Variants in MAGI1 observed in about 807,000 individuals in gnomAD.
MAGI1 encodes the protein membrane associated guanylate kinase, WW and PDZ domain containing 1.
In MAGI1, 58 loss-of-function variants were observed where a neutral mutation model predicts 139.9. The observed-to-expected ratio is 0.41, with a 90% CI of 0.34 to 0.52. The LOEUF is 0.52. Among genes scored for constraint, MAGI1 ranks in the 20% least tolerant of loss-of-function variants. MAGI1 has a pLI of 0.12. For missense variants in MAGI1, 1,874 were observed against 1,901.6 expected, an observed-to-expected ratio of 0.99 and a Z score of 0.27; for synonymous variants, 812 against 737.9, an observed-to-expected ratio of 1.10 and a Z score of -1.63.
intron 1 of MAGI1, among the ~76,000 whole-genome samples, chr3:65,793,338 T>C (rs893796853): frequency 3.9e-5 from 6 of 152,298 alleles, no homozygotes; most frequent in African/African-American, 7.2e-5. Context: ...TGGTCAACTG[T>C]AAACAATGAT....
Position 65,812,948 on chromosome 3 carries a change from T to C in MAGI1, c.314-190860A>G, listed in dbSNP as rs141527631. Among the ~76,000 whole-genome samples the C allele has an allele frequency of 8.5e-3, 1,289 of 151,316 alleles. 18 individuals carry two copies. Among genetic ancestry groups the C allele is most frequent in the African/African-American group, 0.03 (1,224 of 41,200 alleles). Reference sequence around the variant, plus strand: ...CTGGTCTCAAACTCCTGACCTCAGGTGATCCGACCGCCTCAGCCTCGCAAA... The same window carrying C: ...CTGGTCTCAAACTCCTGACCTCAGGCGATCCGACCGCCTCAGCCTCGCAAA... On this transcript the variant is annotated intron_variant, in intron 1 of 22. Coordinates refer to ENST00000402939, the MANE Select transcript of MAGI1 (RefSeq NM_001033057.2).
At chr3:65,991,076 G>A (rs906757114) in intron 1 of MAGI1, among the ~76,000 whole-genome samples, 9 of 152,160 alleles carry the variant, frequency 5.9e-5, no homozygotes, top group Non-Finnish European at 1.0e-4. Context: ...ATCACTTGAG[G>A]TCAGGAGTTG....
chr3:65,780,117 G>T (rs1052186253), intron 1 of MAGI1, among the ~76,000 whole-genome samples: 1 of 152,046 alleles, frequency 6.6e-6, no homozygotes, highest in African/African-American at 2.4e-5. Flanking sequence ...GGACATTGTG[G>T]GCTCAGGTGA....
At chr3:65,470,139 C>A in intron 5 of MAGI1, 144 bp downstream of exon 5, 1 of 594,162 alleles carries the variant, frequency 1.7e-6, no homozygotes, top group Non-Finnish European at 2.9e-6. Context: ...CCTTTTTATG[C>A]AAAACTTATT....
chr3:65,680,795 T>TATGATATG (rs58365928), intron 1 of MAGI1, among the ~76,000 whole-genome samples: 3,805 of 151,240 alleles, frequency 0.025, 170 homozygotes, highest in African/African-American at 0.088. Context: ...TATGATATGA[T>TATGATATG]ATACTTTAAT....
intron 1 of MAGI1, among the ~76,000 whole-genome samples, chr3:66,006,907 T>G (rs1408852492): frequency 1.3e-5 from 2 of 152,172 alleles, no homozygotes. Context: ...CATAGCTCAC[T>G]GCAACCTCAA....
chr3:65,576,660 C>A (rs866540085), intron 2 of MAGI1, among the ~76,000 whole-genome samples: 1 of 152,122 alleles, frequency 6.6e-6, no homozygotes, highest in African/African-American at 2.4e-5. Flanking sequence ...ATTTAAGTAA[C>A]GGTTTCCTTT....
chr3:65,375,127 T>C (rs1363084705), intron 18 of MAGI1, among the ~76,000 whole-genome samples: 1 of 152,146 alleles, frequency 6.6e-6, no homozygotes, highest in Non-Finnish European at 1.5e-5. Flanking sequence ...TTTTATAGTG[T>C]TGAAGACAAG....
chr3:65,871,039 A>G (rs1192713839), intron 1 of MAGI1, among the ~76,000 whole-genome samples: 1 of 152,088 alleles, frequency 6.6e-6, no homozygotes, highest in Non-Finnish European at 1.5e-5. Flanking sequence ...CCCGGATTCA[A>G]TTGATCCTTC....
intron 22 of MAGI1, chr3:65,359,670 AT>A (rs773417146): frequency 6.2e-4 from 614 of 988,176 alleles, no homozygotes; most frequent in Middle Eastern, 1.0e-3. Context: ...AATTAGAGAG[AT>A]TTAGTCCAAG....
chr3:65,812,189 A>G (rs1210889637), intron 1 of MAGI1, among the ~76,000 whole-genome samples: 1 of 152,114 alleles, frequency 6.6e-6, no homozygotes, highest in African/African-American at 2.4e-5. Flanking sequence ...AAGTGTAGGA[A>G]GAAAAGAATA....
chr3:65,912,167 A>C (rs2108678715), intron 1 of MAGI1, among the ~76,000 whole-genome samples: 1 of 152,030 alleles, frequency 6.6e-6, no homozygotes, highest in East Asian at 1.9e-4. Flanking sequence ...CCAATCTTGA[A>C]AGCTATTTAA....
intron 1 of MAGI1, among the ~76,000 whole-genome samples, chr3:65,968,625 C>T (rs1400709302): frequency 1.3e-5 from 2 of 150,288 alleles, no homozygotes; most frequent in Admixed American, 6.6e-5. Context: ...TTTTTAAAGG[C>T]GAGCAAGAGA....
At chr3:65,460,401 C>T (rs1949693784) in intron 5 of MAGI1, among the ~76,000 whole-genome samples, 1 of 151,872 alleles carries the variant, frequency 6.6e-6, no homozygotes, top group Non-Finnish European at 1.5e-5. Flanking sequence ...TTCTGGAAGA[C>T]ATTATGTAGA....
At chr3:66,000,191 C>T (rs372868818) in intron 1 of MAGI1, among the ~76,000 whole-genome samples, 2 of 151,830 alleles carry the variant, frequency 1.3e-5, no homozygotes, top group Non-Finnish European at 1.5e-5. Flanking sequence ...TTAGCCAGAA[C>T]GGTCTCGATC....
intron 1 of MAGI1, among the ~76,000 whole-genome samples, chr3:65,696,377 C>A (rs1031699384): frequency 6.6e-6 from 1 of 152,080 alleles, no homozygotes; most frequent in African/African-American, 2.4e-5. Flanking sequence ...GCCTCCCCAT[C>A]CAATACCTTT....
intron 1 of MAGI1, among the ~76,000 whole-genome samples, chr3:65,737,800 T>C (rs919463049): frequency 2.0e-5 from 3 of 152,164 alleles, no homozygotes; most frequent in Non-Finnish European, 4.4e-5. Flanking sequence ...TACCCACATA[T>C]GGCAAATGGG....
rs997667427 is a variant in MAGI1, at chr3:65,922,218, T to C, written c.313+115778A>G. On this transcript the variant is annotated intron_variant, in intron 1 of 22. Transcript: ENST00000402939. ...ACAGCAGAGACTAGACCTAGATTCATGCATTAGCAACCAATGCAAGAGATA... is the reference window on the plus strand; with the variant it reads ...ACAGCAGAGACTAGACCTAGATTCACGCATTAGCAACCAATGCAAGAGATA... 2.6e-5 allele frequency among the ~76,000 whole-genome samples: 4 copies of C among 152,180 alleles called. No individual in the cohort carries two copies. The South Asian group carries it at 8.3e-4, about 32-fold the overall frequency.
intron 12 of MAGI1, among the ~76,000 whole-genome samples, chr3:65,415,821 G>C (rs1411387086): frequency 6.6e-6 from 1 of 152,140 alleles, no homozygotes; most frequent in Non-Finnish European, 1.5e-5. Flanking sequence ...GTTAAAACTG[G>C]GGAGACGGGG....
Sources: allele counts gnomAD v4.1 joint callset (sites outside exome capture counted in the v4.1 genomes callset), GRCh38; gene constraint gnomAD v4.1.1; transcripts MANE v1.5; gene names NCBI Gene and HGNC (gene_info 2026-07-23, HGNC 2026-07-21).